The following ZNF609 variants were observed in gnomAD, a reference collection of about 807,000 sequenced individuals.
ZNF609 encodes zinc finger protein 609.
In ZNF609, 11 loss-of-function variants were observed where a neutral mutation model predicts 109.5. The observed-to-expected ratio is 0.10, with a 90% CI of 0.06 to 0.17. The LOEUF (loss-of-function observed/expected upper bound fraction) is 0.17. Among genes scored for constraint, ZNF609 ranks in the 10% least tolerant of loss-of-function variants. The probability of loss-of-function intolerance (pLI) is 1.00; values close to 1 mark genes in which losing one functional copy is unlikely to be tolerated. For synonymous variants in ZNF609, 646 were observed against 662.0 expected (o/e 0.98, Z 0.37); for missense variants, 1,559 against 1,772.4 (o/e 0.88, Z 2.16).
chr15:64,555,241 C>T (rs1894559709), intron 2 of ZNF609, among the ~76,000 whole-genome samples: 1 of 152,048 alleles, frequency 6.6e-6, no homozygotes, highest in South Asian at 2.1e-4. Flanking sequence ...GTGACACATG[C>T]CTGTAGTCCC....
At chr15:64,635,420 G>A (rs150074124) in intron 3 of ZNF609, among the ~76,000 whole-genome samples, 1 of 152,208 alleles carries the variant, frequency 6.6e-6, no homozygotes, top group Admixed American at 6.5e-5. Context: ...GAGCCTTGGT[G>A]TTTTCTTGCT....
chr15:64,534,385 C>T (rs1894108004), intron 2 of ZNF609, among the ~76,000 whole-genome samples: 1 of 149,854 alleles, frequency 6.7e-6, no homozygotes, highest in Admixed American at 6.7e-5. Context: ...GATCTGGGCC[C>T]ACTGCTGCAA....
chr15:64,459,690 G>T (rs969629751), upstream of ZNF609, among the ~76,000 whole-genome samples: 1 of 152,216 alleles, frequency 6.6e-6, no homozygotes, highest in African/African-American at 2.4e-5. Context: ...TAGGGGCTAG[G>T]ATGTGGGAGG....
chr15:64,622,991 C>T lies in ZNF609; in HGVS notation c.912C>T (p.Gly304=). Residue 304 remains glycine, a synonymous_variant, in exon 3 of 10, where the codon GGC becomes GGT. Coordinates refer to ENST00000326648, the MANE Select transcript of ZNF609 (RefSeq NM_015042.2). ...TGGCCACAGAGCCTGAGTGCTTGGGCCCCTGTGAACCTGGAACTAGCGTCA... is the reference window on the plus strand; with the variant it reads ...TGGCCACAGAGCCTGAGTGCTTGGGTCCCTGTGAACCTGGAACTAGCGTCA... ...VALATEPECL[G]PCEPGTSVNL... 1 of 1,614,230 alleles carries T rather than the reference C, an allele frequency of 6.2e-7. No individual in the cohort carries two copies. The highest frequency in any genetic ancestry group is 8.5e-7 in the Non-Finnish European group (1 of 1,180,036).
rs1267344481 is a variant in ZNF609 at position 64,674,985 on chromosome 15, A to G, written c.2131A>G (p.Met711Val). 2.5e-6 allele frequency: 4 copies of G among 1,614,122 alleles called. No individual in the cohort carries two copies. The highest frequency in any genetic ancestry group is 2.2e-5 in the South Asian group (2 of 91,082). The change falls in exon 5 of 10, where the codon ATG (methionine) becomes GTG (valine). Residue 711 changes from methionine (M) to valine (V), a missense_variant. Physicochemically the swap from Met to Val is conservative, Grantham distance 21 (BLOSUM62 1). Transcript: ENST00000326648. The stretch of plus-strand genomic sequence containing the variant: ...GCCCATTCAGCCCAAGCCCACTGTT[A>G]TGGGAGAACCTTTCACAGTCAACCC... ...LKPIQPKPTV[M>V]GEPFTVNPAL...
intron 2 of ZNF609, among the ~76,000 whole-genome samples, chr15:64,521,451 G>A (rs545705045): frequency 6.6e-6 from 1 of 152,004 alleles, no homozygotes; most frequent in South Asian, 2.1e-4. Context: ...TCCCTGAGAG[G>A]AGGATTTTTT....
At chr15:64,662,400 A>G (rs1393475904) in intron 3 of ZNF609, among the ~76,000 whole-genome samples, 1 of 152,024 alleles carries the variant, frequency 6.6e-6, no homozygotes, top group East Asian at 1.9e-4. Flanking sequence ...ATCTCAACTC[A>G]TTACAGCCTA....
chr15:64,652,956 C>T (rs946461639), intron 3 of ZNF609: 1 of 153,112 alleles, frequency 6.5e-6, no homozygotes, highest in Non-Finnish European at 1.5e-5. Context: ...TTTGTTCCAT[C>T]TCTAATCCCA....
intron 2 of ZNF609, among the ~76,000 whole-genome samples, chr15:64,520,055 C>A (rs1893869330): frequency 6.6e-6 from 1 of 152,164 alleles, no homozygotes; most frequent in Non-Finnish European, 1.5e-5. Context: ...CATCTGTGAT[C>A]ATTTATGCTC....
intron 2 of ZNF609, among the ~76,000 whole-genome samples, chr15:64,535,791 T>C (rs1200730036): frequency 6.6e-6 from 1 of 152,178 alleles, no homozygotes; most frequent in Non-Finnish European, 1.5e-5. Flanking sequence ...TTTACTGTTA[T>C]CTCTATTTTT....
Position 64,680,309 on chromosome 15 carries a change from C to A in ZNF609, c.3894C>A (p.Ala1298=). Residue 1298 remains alanine, a synonymous_variant, in exon 7 of 10, where the codon GCC becomes GCA. Coordinates refer to ENST00000326648, the MANE Select transcript of ZNF609 (RefSeq NM_015042.2). The part of the protein sequence containing the change: ...VTCKSSSESK[A]LDILQQHASH... Reference sequence around the variant, plus strand: ...GTAAATCCAGCTCAGAGTCCAAAGCCCTGGACATCTTGCAGCAGCATGCCA... The same window carrying A: ...GTAAATCCAGCTCAGAGTCCAAAGCACTGGACATCTTGCAGCAGCATGCCA... 3.7e-6 allele frequency: 6 copies of A among 1,614,186 alleles called. No individual in the cohort carries two copies. Among genetic ancestry groups the A allele is most frequent in the Non-Finnish European group, 5.1e-6 (6 of 1,180,040 alleles).
intron 2 of ZNF609, among the ~76,000 whole-genome samples, chr15:64,582,723 CTTTTTT>C (rs538806936): frequency 6.8e-5 from 6 of 88,814 alleles, no homozygotes; most frequent in Admixed American, 1.6e-4. Context: ...TTTCTTTTTT[CTTTTTT>C]TTTTTTTTTG....
chr15:64,669,964 G>A (rs1283932374), intron 3 of ZNF609, among the ~76,000 whole-genome samples: 2 of 152,006 alleles, frequency 1.3e-5, no homozygotes, highest in Non-Finnish European at 2.9e-5. Context: ...CACCACTCCC[G>A]GCCAAAAAAA....
intron 3 of ZNF609, among the ~76,000 whole-genome samples, chr15:64,667,513 G>A (rs769276915): frequency 5.3e-5 from 8 of 151,846 alleles, no homozygotes; most frequent in Non-Finnish European, 1.0e-4. Flanking sequence ...GTTCGAGACC[G>A]GCCTGACCAA....
rs533232900 is a variant in ZNF609, at chr15:64,624,331, A to G, written c.973+1279A>G. Among the ~76,000 whole-genome samples the G allele has an allele frequency of 1.8e-4, 28 of 152,280 alleles. No individual in the cohort carries two copies. The South Asian group carries it at 3.3e-3, about 18-fold the overall frequency. ...ACAATCTGAAAATCACAAAGTGGCT[A>G]TCTGATTTTTAAAATGTCATCTGCT... On this transcript the variant is annotated intron_variant, in intron 3 of 9. Coordinates refer to ENST00000326648, the MANE Select transcript of ZNF609 (RefSeq NM_015042.2).
intron 2 of ZNF609, among the ~76,000 whole-genome samples, chr15:64,590,618 T>A (rs1465539258): frequency 2.6e-5 from 4 of 151,462 alleles, no homozygotes; most frequent in African/African-American, 7.3e-5. Context: ...CTGGCCTTCA[T>A]ATATAGAAAA....
At chr15:64,507,081 C>G (rs1893648451) in intron 2 of ZNF609, among the ~76,000 whole-genome samples, 1 of 152,082 alleles carries the variant, frequency 6.6e-6, no homozygotes, top group Non-Finnish European at 1.5e-5. Flanking sequence ...TTGAAGTGGC[C>G]TGTTGAATTT....
At chr15:64,615,485 A>G (rs1056538921) in intron 2 of ZNF609, among the ~76,000 whole-genome samples, 2 of 146,288 alleles carry the variant, frequency 1.4e-5, no homozygotes, top group African/African-American at 2.5e-5. Flanking sequence ...ATTTGATGAC[A>G]TCCTTTTTTT....
intron 1 of ZNF609, among the ~76,000 whole-genome samples, chr15:64,473,528 C>T (rs1893123083): frequency 6.6e-6 from 1 of 151,710 alleles, no homozygotes; most frequent in Non-Finnish European, 1.5e-5. Context: ...GTCCTCACCA[C>T]CTCATCTGAA....
Sources: allele counts gnomAD v4.1 joint callset (sites outside exome capture counted in the v4.1 genomes callset), GRCh38; gene constraint gnomAD v4.1.1; transcripts MANE v1.5; gene names NCBI Gene and HGNC (gene_info 2026-07-23, HGNC 2026-07-21).